TMEM178B: variants seen among roughly 807,000 people sequenced by gnomAD.
TMEM178B encodes transmembrane protein 178B.
TMEM178B carries 5 observed loss-of-function variants against 31.0 expected under a neutral mutation model. The ratio of observed to expected loss-of-function variants is 0.16; its 90% CI spans 0.08 to 0.34. The LOEUF is 0.34. Ranked by LOEUF, TMEM178B falls within the 10% of genes least tolerant of loss-of-function variation. The pLI, the probability that TMEM178B is intolerant of heterozygous loss-of-function variation, is 1.00. For synonymous variants in TMEM178B, 164 were observed against 164.0 expected (o/e 1.00, Z 0.00); for missense variants, 275 against 400.3 (o/e 0.69, Z 2.67).
chr7:141,372,979 G>T (rs938299346), intron 2 of TMEM178B, among the ~76,000 whole-genome samples: 2 of 152,214 alleles, frequency 1.3e-5, no homozygotes, highest in Admixed American at 6.5e-5. Context: ...GTGATTAAGA[G>T]TATTGGTTTT....
At chr7:141,367,373 C>T (rs1486100059) in intron 2 of TMEM178B, among the ~76,000 whole-genome samples, 2 of 151,948 alleles carry the variant, frequency 1.3e-5, no homozygotes, top group Non-Finnish European at 2.9e-5. Flanking sequence ...GGTTCAAGCT[C>T]AAGCGATTCT....
chr7:141,461,318 C>G lies in TMEM178B; in HGVS notation c.635-9218C>G, dbSNP rs1315933815. Reference sequence around the variant, plus strand: ...GAACATAGGCCCTCTCTCCACATAGCAACAAGAGAGGAAGCCAGGATTGGG... The same window carrying G: ...GAACATAGGCCCTCTCTCCACATAGGAACAAGAGAGGAAGCCAGGATTGGG... On this transcript the variant is annotated intron_variant, in intron 3 of 3. Coordinates refer to ENST00000565468, the MANE Select transcript of TMEM178B (RefSeq NM_001195278.2). This position sits in a 1 kb window ranked among gnomAD's most constrained non-coding sequence, Gnocchi z 4.0. Among the ~76,000 whole-genome samples the G allele has an allele frequency of 1.3e-5, 2 of 152,182 alleles. No homozygotes were observed. Among genetic ancestry groups the G allele is most frequent in the African/African-American group, 4.8e-5 (2 of 41,440 alleles).
intron 2 of TMEM178B, among the ~76,000 whole-genome samples, chr7:141,286,678 T>C (rs911608850): frequency 1.3e-5 from 2 of 152,150 alleles, no homozygotes; most frequent in Non-Finnish European, 2.9e-5. Flanking sequence ...CCCAAAGCAG[T>C]GCCCTGGACA....
chr7:141,290,129 CT>C (rs1336535688), intron 2 of TMEM178B, among the ~76,000 whole-genome samples: 1 of 152,214 alleles, frequency 6.6e-6, no homozygotes, highest in East Asian at 1.9e-4. Flanking sequence ...TCTTTTGGTT[CT>C]TAGGAGCAGA....
intron 1 of TMEM178B, among the ~76,000 whole-genome samples, chr7:141,086,426 A>G (rs554363640): frequency 6.6e-6 from 1 of 152,368 alleles, no homozygotes; most frequent in East Asian, 1.9e-4. Flanking sequence ...CATGAAGCAT[A>G]TGTATATATT....
intron 2 of TMEM178B, among the ~76,000 whole-genome samples, chr7:141,246,859 G>A (rs537979917): frequency 6.6e-6 from 1 of 152,208 alleles, no homozygotes; most frequent in East Asian, 1.9e-4. Flanking sequence ...TCTGAATAAG[G>A]GAGCATGTCC....
chr7:141,386,644 G>C (rs569916411), intron 2 of TMEM178B, among the ~76,000 whole-genome samples: 1 of 152,166 alleles, frequency 6.6e-6, no homozygotes, highest in East Asian at 1.9e-4. Context: ...ACATTCTAGG[G>C]GGATGTCATG....
intron 1 of TMEM178B, among the ~76,000 whole-genome samples, chr7:141,111,573 G>C (rs146344592): frequency 6.6e-6 from 1 of 152,186 alleles, no homozygotes; most frequent in African/African-American, 2.4e-5. Flanking sequence ...CAATTCATTA[G>C]CCTAGGGAAA....
intron 2 of TMEM178B, among the ~76,000 whole-genome samples, chr7:141,257,107 C>A (rs1275448961): frequency 2.0e-5 from 3 of 152,102 alleles, no homozygotes. Flanking sequence ...AGAAAGGAGA[C>A]TAAAAAGGAA....
At chr7:141,226,595 G>A (rs1026951681) in intron 2 of TMEM178B, among the ~76,000 whole-genome samples, 5 of 152,182 alleles carry the variant, frequency 3.3e-5, no homozygotes, top group African/African-American at 7.2e-5. Flanking sequence ...GCTCATGCCT[G>A]TAATCCCAGC....
At chr7:141,484,223 T>TA (rs1377167357), downstream of TMEM178B, among the ~76,000 whole-genome samples, 1 of 152,232 alleles carries the variant, frequency 6.6e-6, no homozygotes, top group African/African-American at 2.4e-5. The surrounding 1 kb of genome is among the most constrained non-coding windows in gnomAD (Gnocchi z 4.8). Flanking sequence ...CTATGTGTAA[T>TA]AAAATCATGT....
At chr7:141,194,895 G>A (rs1396024246) in intron 1 of TMEM178B, among the ~76,000 whole-genome samples, 1 of 152,210 alleles carries the variant, frequency 6.6e-6, no homozygotes, top group Non-Finnish European at 1.5e-5. Flanking sequence ...TGCACCCACA[G>A]GCTCAACACC....
intron 3 of TMEM178B, among the ~76,000 whole-genome samples, chr7:141,455,942 G>A (rs1437680374): frequency 6.6e-6 from 1 of 152,230 alleles, no homozygotes; most frequent in Non-Finnish European, 1.5e-5. Flanking sequence ...GCATTGGCTT[G>A]AATCAGATAG....
At chr7:141,232,485 A>G (rs1200685236) in intron 2 of TMEM178B, among the ~76,000 whole-genome samples, 3 of 152,008 alleles carry the variant, frequency 2.0e-5, no homozygotes, top group African/African-American at 4.8e-5. Flanking sequence ...TTACTTGACT[A>G]TCTAATAATT....
intron 2 of TMEM178B, among the ~76,000 whole-genome samples, chr7:141,286,719 A>C (rs1255896803): frequency 6.6e-6 from 1 of 152,226 alleles, no homozygotes; most frequent in Non-Finnish European, 1.5e-5. Flanking sequence ...ACCCTGAGCC[A>C]GCACTAGAAA....
chr7:141,444,288 T>C (rs897865706), intron 3 of TMEM178B, among the ~76,000 whole-genome samples: 2 of 152,198 alleles, frequency 1.3e-5, no homozygotes, highest in Non-Finnish European at 2.9e-5. Context: ...ATACCTTCCC[T>C]AAGGTATCAC....
chr7:141,206,683 C>A (rs993250805), intron 1 of TMEM178B, among the ~76,000 whole-genome samples: 1 of 152,166 alleles, frequency 6.6e-6, no homozygotes, highest in African/African-American at 2.4e-5. Flanking sequence ...TGGGGTCATA[C>A]CAGCTACTTC....
Position 141,285,299 on chromosome 7 carries a change from C to T in TMEM178B, c.496+72595C>T, listed in dbSNP as rs540352358. ...CCGAGTAGCTGGGACTAGAGGTGCC[C>T]GCCACCACATCCTGCTAATTTTTTT... On this transcript the variant is annotated intron_variant, in intron 2 of 3. Transcript: ENST00000565468. Among the ~76,000 whole-genome samples the T allele has an allele frequency of 6.1e-4, 92 of 151,252 alleles. 2 individuals carry two copies. In the South Asian group the frequency reaches 0.017, roughly 28 times the overall value.
At position 141,480,182 on chromosome 7, in the gene TMEM178B, G is replaced by A. The variant is rs1802447964; in HGVS notation, c.*9396G>A. On this transcript the variant is annotated 3_prime_UTR_variant, in exon 4 of 4. Transcript: ENST00000565468. ...ACTGAGGAAGCAGAGAGCATTTGGG[G>A]ACTTCACTGAAACTGACTGCATCTT... 1 of 152,156 alleles carries A rather than the reference G, an allele frequency of 6.6e-6. No individual in the cohort carries two copies. The highest frequency in any genetic ancestry group is 2.1e-4 in the South Asian group (1 of 4,824). The allele number at this position is 152,156 out of a possible 1,614,324, so 9.4% of individuals were successfully genotyped here.
Sources: allele counts gnomAD v4.1 joint callset (sites outside exome capture counted in the v4.1 genomes callset), GRCh38; gene constraint gnomAD v4.1.1; non-coding constraint Gnocchi (gnomAD v3.1); transcripts MANE v1.5; gene names NCBI Gene and HGNC (gene_info 2026-07-23, HGNC 2026-07-21).